Variants in TMEM145 observed in about 807,000 individuals in gnomAD.
TMEM145 encodes the protein transmembrane protein 145.
A neutral mutation model predicts 68.5 loss-of-function variants in TMEM145; 46 were observed. The observed-to-expected ratio is 0.67, with a 90% CI of 0.53 to 0.86. The LOEUF (loss-of-function observed/expected upper bound fraction) is 0.86. Ranked by LOEUF, TMEM145 falls within the 40% of genes least tolerant of loss-of-function variation. TMEM145 has a pLI of 0.00. For missense variants in TMEM145, 570 were observed against 645.8 expected, an observed-to-expected ratio of 0.88 and a Z score of 1.27; for synonymous variants, 255 against 280.2, an observed-to-expected ratio of 0.91 and a Z score of 0.90.
chr19:42,314,964 C>T (rs781686179), intron 5 of TMEM145, 29 bp from the exon 6 acceptor site: 14 of 1,613,172 alleles, frequency 8.7e-6, no homozygotes, highest in Middle Eastern at 1.7e-4. Context: ...TTGCCCAGGG[C>T]CCCCCTTAGG....
At position 42,314,850 on chromosome 19, in the gene TMEM145, C is replaced by T. The variant is rs765517800; in HGVS notation, c.419C>T (p.Ser140Leu). The T allele has an allele frequency of 5.0e-6, 8 of 1,614,194 alleles. No individual in the cohort carries two copies. In the East Asian group the frequency reaches 1.6e-4, roughly 31 times the overall value. Residue 140 changes from serine (S) to leucine (L), a missense_variant and splice_region_variant, in exon 5 of 15, where the codon TCA becomes TTA. Ser to Leu is a moderately radical substitution (Grantham distance 145). Coordinates refer to ENST00000301204, the MANE Select transcript of TMEM145 (RefSeq NM_173633.3). ...TGCTCCAGTGGCCGCAGCTTCCGCT[C>T]AGTGCGTGAACGGTGGTGGTATATT... ...LSCSSGRSFR[S>L]GDGLQLEYEM...
chr19:42,315,384 G>T lies in TMEM145; in HGVS notation c.590G>T (p.Gly197Val). Residue 197 changes from glycine to valine, a missense_variant, in exon 8 of 15, where the codon GGT becomes GTT. Physicochemically the swap from Gly to Val is moderately radical, Grantham distance 109. Transcript: ENST00000301204. The stretch of plus-strand genomic sequence containing the variant: ...CCTTGCTTCCTAGATTTGCTGAAAG[G>T]TCGTCAGTTGCTCCACACAACTTAT... ...LSCYFGYLLK[G>V]RQLLHTTYKM... The T allele has an allele frequency of 3.1e-6, 5 of 1,614,188 alleles. No individual in the cohort carries two copies. The highest frequency in any genetic ancestry group is 4.2e-6 in the Non-Finnish European group (5 of 1,180,038).
intron 9 of TMEM145, 50 bp from the exon 10 acceptor site, chr19:42,316,612 G>A (rs1322572308): frequency 2.5e-6 from 4 of 1,613,322 alleles, no homozygotes; most frequent in South Asian, 2.2e-5. Flanking sequence ...CTCAGGTTGG[G>A]CATCAGGTCT....
chr19:42,314,591 A>C (rs1599976725), intron 3 of TMEM145, 22 bp from the exon 4 acceptor site: 1 of 1,614,032 alleles, frequency 6.2e-7, no homozygotes. Flanking sequence ...CGGGGGAGTG[A>C]CCCTGTCCCT....
In TMEM145 at chr19:42,314,596, G is replaced by C; in HGVS notation, c.274-17G>C. ...CGTTGCTGGCCGGGGGAGTGACCCT[G>C]TCCCTGCCTTCCCCAGGACTGCCTG... On this transcript the variant is annotated splice_polypyrimidine_tract_variant and intron_variant, in intron 3 of 14. Transcript: ENST00000301204. The C allele has an allele frequency of 1.2e-6, 2 of 1,614,168 alleles. No individual in the cohort carries two copies. The highest frequency in any genetic ancestry group is 1.7e-6 in the Non-Finnish European group (2 of 1,180,018).
Position 42,323,741 on chromosome 19 carries a change from G to C in TMEM145, c.1353G>C (p.Ser451=). Residue 451 remains serine, a synonymous_variant, in exon 14 of 15, where the codon TCG becomes TCC. Transcript: ENST00000301204. ...VYGNVTFISD[S]VPNFTELFSI... is the part of the protein sequence containing the mutation. ...GGAACGTGACGTTTATCAGCGACTC[G>C]GTGCCCAACTTCACGGAGCTCTTCT... 1 of 1,614,110 alleles carries C rather than the reference G, an allele frequency of 6.2e-7. No individual in the cohort carries two copies. Among genetic ancestry groups the C allele is most frequent in the Non-Finnish European group, 8.5e-7 (1 of 1,180,020 alleles).
At chr19:42,315,315 A>C in intron 7 of TMEM145, 56 bp downstream of exon 7, 1 of 1,613,584 alleles carries the variant, frequency 6.2e-7, no homozygotes, top group Non-Finnish European at 8.5e-7. Flanking sequence ...GGGTTGGGGG[A>C]GGTGAGCTGC....
rs566010354 is a variant in TMEM145, at chr19:42,317,417, T to C, written c.901-292T>C. Reference sequence around the variant, plus strand: ...TTCCCTCTTAGCCTTAGTTTCCTCTTCTGTGAGATGGAGCAGTAATAAGAC... The same window carrying C: ...TTCCCTCTTAGCCTTAGTTTCCTCTCCTGTGAGATGGAGCAGTAATAAGAC... On this transcript the variant is annotated intron_variant, in intron 11 of 14. Transcript: ENST00000301204. Among the ~76,000 whole-genome samples, 4 of 152,346 alleles carry C rather than the reference T, an allele frequency of 2.6e-5. No homozygotes were observed. In the South Asian group the frequency reaches 8.3e-4, roughly 32 times the overall value.
intron 13 of TMEM145, chr19:42,320,950 C>G (rs1287913583): frequency 7.5e-6 from 3 of 398,716 alleles, no homozygotes; most frequent in Non-Finnish European, 8.8e-6. Flanking sequence ...TCTTCTGTTC[C>G]CCTCTCCAAC....
chr19:42,314,715 G>A lies in TMEM145; in HGVS notation c.360+16G>A, dbSNP rs759470287. On this transcript the variant is annotated intron_variant, in intron 4 of 14. Coordinates refer to ENST00000301204, the MANE Select transcript of TMEM145 (RefSeq NM_173633.3). ...CGGCTGTCAGGTGCAGGCTCAGCCTGGGGGAGTGGGCAGGTGCTGAAGGAT... is the reference window on the plus strand; with the variant it reads ...CGGCTGTCAGGTGCAGGCTCAGCCTAGGGGAGTGGGCAGGTGCTGAAGGAT... 7 of 1,614,204 alleles carry A rather than the reference G, an allele frequency of 4.3e-6. No individual in the cohort carries two copies. In the South Asian group the frequency reaches 6.6e-5, roughly 15 times the overall value.
chr19:42,323,751 T>C lies in TMEM145; in HGVS notation c.1363T>C (p.Phe455Leu). ...VTFISDSVPN[F>L]TELFSIPPPA... ...GTTTATCAGCGACTCGGTGCCCAACTTCACGGAGCTCTTCTCCATCCCCCC... is the reference window on the plus strand; with the variant it reads ...GTTTATCAGCGACTCGGTGCCCAACCTCACGGAGCTCTTCTCCATCCCCCC... The change falls in exon 14 of 15, where the codon TTC becomes CTC. Residue 455 changes from phenylalanine (F) to leucine (L), a missense_variant. By Grantham distance (22) the Phe-to-Leu change is conservative (BLOSUM62 0). Coordinates refer to ENST00000301204, the MANE Select transcript of TMEM145 (RefSeq NM_173633.3). 1 of 1,614,128 alleles carries C rather than the reference T, an allele frequency of 6.2e-7. No individual in the cohort carries two copies. The highest frequency in any genetic ancestry group is 8.5e-7 in the Non-Finnish European group (1 of 1,179,988).
intron 7 of TMEM145, 41 bp downstream of exon 7, chr19:42,315,300 G>T: frequency 1.9e-6 from 3 of 1,613,988 alleles, no homozygotes; most frequent in Non-Finnish European, 2.5e-6. Flanking sequence ...AGATAGGAGG[G>T]AGCAGGGTTG....
In TMEM145 at chr19:42,315,450, C is replaced by T. The variant is rs370653678; in HGVS notation, c.646+10C>T. 26 of 1,613,896 alleles carry T rather than the reference C, an allele frequency of 1.6e-5. No homozygotes were observed. In the Admixed American group the frequency reaches 2.0e-4, roughly 12 times the overall value. ...GCAGCAGGAGTAGAGGGTGAGGTTC[C>T]GTGTCCCAACTTTTGGGTTCTGAAA... is the stretch of plus-strand genomic sequence containing the variant. On this transcript the variant is annotated intron_variant, in intron 8 of 14. Transcript: ENST00000301204.
rs908666629 is a variant in TMEM145 at position 42,313,451 on chromosome 19, C to G, written c.75C>G (p.Pro25=). 2 of 1,372,518 alleles carry G rather than the reference C, an allele frequency of 1.5e-6. No individual in the cohort carries two copies. Among genetic ancestry groups the G allele is most frequent in the African/African-American group, 1.5e-5 (1 of 65,708 alleles). 85.0% of individuals were successfully genotyped at this position (1,372,518 alleles called of 1,614,324 possible). A position where few individuals can be genotyped will look rare whatever the true frequency, so the allele number is the denominator to read the frequency against. ...PLLLLLLSLP[P]RARAKYVRGN... ...TGCTCCTGCTGCTGTCACTGCCCCC[C>G]CGCGCCCGGGCCAAGTACGTGCGGG... is the stretch of plus-strand genomic sequence containing the variant. Residue 25 remains proline (P), a synonymous_variant, in exon 1 of 15, where the codon CCC becomes CCG. Transcript: ENST00000301204. This position sits in a 1 kb window ranked among gnomAD's most constrained non-coding sequence, Gnocchi z 5.1.
At chr19:42,319,948 G>C (rs2038895936) in intron 12 of TMEM145, among the ~76,000 whole-genome samples, 1 of 148,888 alleles carries the variant, frequency 6.7e-6, no homozygotes, top group Non-Finnish European at 1.5e-5. Context: ...TAATAGAGAC[G>C]GGGTGTCACC....
At chr19:42,323,164 C>T (rs1339404671) in intron 13 of TMEM145, among the ~76,000 whole-genome samples, 1 of 152,208 alleles carries the variant, frequency 6.6e-6, no homozygotes, top group East Asian at 1.9e-4. Flanking sequence ...TATCCTATTA[C>T]CTGCACTTTC....
Position 42,324,861 on chromosome 19 carries a change from G to A in TMEM145, c.*44G>A. 6.7e-7 allele frequency: 1 copy of A among 1,502,168 alleles called. No homozygotes were observed. Among genetic ancestry groups the A allele is most frequent in the Non-Finnish European group, 8.8e-7 (1 of 1,132,018 alleles). The allele number at this position is 1,502,168 out of a possible 1,614,324, so 93.1% of individuals were successfully genotyped here. On this transcript the variant is annotated 3_prime_UTR_variant, in exon 15 of 15. Coordinates refer to ENST00000301204, the MANE Select transcript of TMEM145 (RefSeq NM_173633.3). ...CACCCGTGGTGACCGCCGGGACCCT[G>A]CCTGTGACTCTCCAGGACTCTGCGA...
rs1302884108 is a variant in TMEM145 at position 42,317,849 on chromosome 19, T to A, written c.1041T>A (p.Phe347Leu). 6.2e-7 allele frequency: 1 copy of A among 1,614,160 alleles called. No individual in the cohort carries two copies. Among genetic ancestry groups the A allele is most frequent in the Admixed American group, 1.7e-5 (1 of 60,028 alleles). ...GACACTTTCCTGAGAAGCAGCCTTT[T>A]TATGTGCCCTTCTTTGCTGCCTATA... ...SLRHFPEKQPFYVPFFAAYTL... is the reference protein window; with the variant it reads ...SLRHFPEKQPLYVPFFAAYTL... The change falls in exon 12 of 15, where the codon TTT (phenylalanine) becomes TTA (leucine). Residue 347 changes from phenylalanine (F) to leucine (L), a missense_variant. Transcript: ENST00000301204.
rs1238722347 is a variant in TMEM145 at position 42,313,380 on chromosome 19, G to A, written c.4G>A (p.Glu2Lys). The change falls in exon 1 of 15, where the codon GAG becomes AAG. Residue 2 changes from glutamate to lysine, a missense_variant. Physicochemically the swap from Glu to Lys is moderately conservative, Grantham distance 56. Coordinates refer to ENST00000301204, the MANE Select transcript of TMEM145 (RefSeq NM_173633.3). This position sits in a 1 kb window ranked among gnomAD's most constrained non-coding sequence, Gnocchi z 5.1. M[E>K]PLRAPALRRL... The stretch of plus-strand genomic sequence containing the variant: ...AGCCGGGGCCGGAGCGGGCGGAATG[G>A]AGCCCCTGCGCGCGCCCGCGCTGCG... 10 of 1,223,334 alleles carry A rather than the reference G, an allele frequency of 8.2e-6. No individual in the cohort carries two copies. The highest frequency in any genetic ancestry group is 1.1e-5 in the Non-Finnish European group (10 of 949,194). The allele number at this position is 1,223,334 out of a possible 1,614,324, so 75.8% of individuals were successfully genotyped here. A position where few individuals can be genotyped will look rare whatever the true frequency, so the allele number is the denominator to read the frequency against.
Sources: allele counts gnomAD v4.1 joint callset (sites outside exome capture counted in the v4.1 genomes callset), GRCh38; gene constraint gnomAD v4.1.1; non-coding constraint Gnocchi (gnomAD v3.1); transcripts MANE v1.5; gene names NCBI Gene and HGNC (gene_info 2026-07-23, HGNC 2026-07-21).